The following ADGRF3 variants were observed in gnomAD, a reference collection of about 807,000 sequenced individuals.
ADGRF3 encodes the protein G protein-coupled receptor 113.
ADGRF3 carries 85 observed loss-of-function variants against 93.2 expected under a neutral mutation model. The observed-to-expected ratio is 0.91, with a 90% CI of 0.77 to 1.09. The LOEUF (loss-of-function observed/expected upper bound fraction) is 1.09. Among genes scored for constraint, ADGRF3 ranks in the 50% least tolerant of loss-of-function variants. ADGRF3 has a pLI of 0.00. For synonymous variants in ADGRF3, 534 were observed against 532.5 expected (o/e 1.00, Z -0.04); for missense variants, 1,125 against 1,246.2 (o/e 0.90, Z 1.46).
In ADGRF3 at chr2:26,346,397, G is replaced by C. The variant is rs545080287; in HGVS notation, c.-163C>G. 136 of 1,332,846 alleles carry C rather than the reference G, an allele frequency of 1.0e-4. No individual in the cohort carries two copies. The African/African-American group carries it at 1.9e-3, about 19-fold the overall frequency. 82.6% of individuals were successfully genotyped at this position (1,332,846 alleles called of 1,614,324 possible). On this transcript the variant is annotated 5_prime_UTR_variant, in exon 1 of 14. Transcript: ENST00000651242. ...CACCTTGTGCCGCGTGGCTCCGGGC[G>C]GGCTGGCGGGCGTTCCTCCGGAGGT... is the stretch of plus-strand genomic sequence containing the variant.
rs145317161 is a variant in ADGRF3, at chr2:26,311,086, C to G, written c.2438G>C (p.Arg813Pro). 2.0e-5 allele frequency: 32 copies of G among 1,603,688 alleles called. No homozygotes were observed. Among genetic ancestry groups the G allele is most frequent in the Non-Finnish European group, 2.6e-5 (31 of 1,175,406 alleles). ...CAGGAGCACCATGAGGGGGAGAACT[C>G]GGTGCTTTGCCAGCTGGTGAAAGAC... Reference protein sequence around the residue: ...LFVFHQLAKHRVLPLMVLLGY... With the variant: ...LFVFHQLAKHPVLPLMVLLGY... The change falls in exon 10 of 14, where the codon CGA (arginine) becomes CCA (proline). Residue 813 changes from arginine to proline, a missense_variant. Transcript: ENST00000651242.
In ADGRF3 at chr2:26,314,531, G is replaced by A. The variant is rs781471867; in HGVS notation, c.811C>T (p.Leu271Phe). ...CAGGAGATGGACAGCTGGTATGGAA[G>A]TCGAGCCACATCTGTCGCCTTCAAG... ...VPLKATDVAR[L>F]PYQLSISCAT... The change falls in exon 6 of 14, where the codon CTT becomes TTT. Residue 271 changes from leucine (L) to phenylalanine (F), a missense_variant. Coordinates refer to ENST00000651242, the MANE Select transcript of ADGRF3 (RefSeq NM_001321971.2). 1 of 1,614,056 alleles carries A rather than the reference G, an allele frequency of 6.2e-7. No individual in the cohort carries two copies. The highest frequency in any genetic ancestry group is 8.5e-7 in the Non-Finnish European group (1 of 1,179,894).
At chr2:26,322,350 C>T (rs1394246840) in intron 1 of ADGRF3, among the ~76,000 whole-genome samples, 2 of 151,780 alleles carry the variant, frequency 1.3e-5, no homozygotes, top group Non-Finnish European at 2.9e-5. Flanking sequence ...AGAGGTCCTC[C>T]GTATTCCACC....
At position 26,311,767 on chromosome 2, in the gene ADGRF3, A is replaced by G. The variant is rs1200935728; in HGVS notation, c.1757T>C (p.Ile586Thr). The G allele has an allele frequency of 6.2e-6, 10 of 1,613,576 alleles. No homozygotes were observed. Among genetic ancestry groups the G allele is most frequent in the Non-Finnish European group, 7.6e-6 (9 of 1,179,774 alleles). Residue 586 changes from isoleucine to threonine, a missense_variant, in exon 10 of 14, where the codon ATT (isoleucine) becomes ACT (threonine). Transcript: ENST00000651242. The stretch of plus-strand genomic sequence containing the variant: ...CAGTTTTCGCAGCACCAGGCTAGTA[A>G]TACTTATTTCAGTTCCATTACGGAC... Reference protein sequence around the residue: ...PLVRNGTEISITSLVLRKLDH... With the variant: ...PLVRNGTEISTTSLVLRKLDH...
chr2:26,337,471 A>T (rs1676121031), intron 1 of ADGRF3, among the ~76,000 whole-genome samples: 1 of 152,266 alleles, frequency 6.6e-6, no homozygotes, highest in Non-Finnish European at 1.5e-5. Flanking sequence ...TAGCAAGACC[A>T]GCAAAACTGC....
intron 13 of ADGRF3, 165 bp from the exon 14 acceptor site, chr2:26,309,272 A>G: frequency 6.4e-7 from 1 of 1,570,882 alleles, no homozygotes; most frequent in Non-Finnish European, 8.6e-7. Flanking sequence ...AAACCAAGTC[A>G]AGGACTGGTG....
intron 12 of ADGRF3, 125 bp downstream of exon 12, chr2:26,309,918 T>C (rs747282390): frequency 7.5e-6 from 12 of 1,597,316 alleles, no homozygotes; most frequent in Non-Finnish European, 9.4e-6. Flanking sequence ...AAACTGTTCA[T>C]TCTAAAAAAC....
At chr2:26,340,581 T>C (rs185111115) in intron 1 of ADGRF3, 4 of 152,338 alleles carry the variant, frequency 2.6e-5, no homozygotes, top group Admixed American at 1.3e-4. Flanking sequence ...TAGATGAGAT[T>C]AACATTGCCA....
At chr2:26,317,990 T>C in intron 1 of ADGRF3, 1 of 1,509,552 alleles carries the variant, frequency 6.6e-7, no homozygotes, top group Non-Finnish European at 9.0e-7. Context: ...CGTCTTTGGT[T>C]CCTGTACATT....
intron 8 of ADGRF3, 107 bp from the exon 9 acceptor site, chr2:26,313,229 C>T: frequency 6.8e-7 from 1 of 1,474,582 alleles, no homozygotes. Context: ...CCTCTCACTC[C>T]TACTTCCTGG....
intron 4 of ADGRF3, among the ~76,000 whole-genome samples, chr2:26,316,004 G>T (rs545109105): frequency 6.6e-6 from 1 of 152,270 alleles, no homozygotes; most frequent in Admixed American, 6.5e-5. Context: ...TGGGCTACTG[G>T]AGCTGCTTCC....
chr2:26,346,195 G>T lies in ADGRF3; in HGVS notation c.40C>A (p.Pro14Thr). 1 of 1,613,374 alleles carries T rather than the reference G, an allele frequency of 6.2e-7. No homozygotes were observed. Reference protein sequence around the residue: ...RKLSAHSAATPGYKAVTHKHH... With the variant: ...RKLSAHSAATTGYKAVTHKHH... ...TTGTGTGTCACAGCCTTGTAGCCGG[G>T]AGTCGCTGCCGAGTGGGCGCTCAGT... The change falls in exon 1 of 14, where the codon CCC becomes ACC. Residue 14 changes from proline to threonine, a missense_variant. Coordinates refer to ENST00000651242, the MANE Select transcript of ADGRF3 (RefSeq NM_001321971.2).
intron 1 of ADGRF3, chr2:26,319,182 G>A: frequency 1.1e-6 from 1 of 901,950 alleles, no homozygotes; most frequent in Non-Finnish European, 1.6e-6. Flanking sequence ...AAGCGCTACA[G>A]CCTGTGACTC....
At chr2:26,318,342 C>T (rs536758302) in intron 1 of ADGRF3, among the ~76,000 whole-genome samples, 3 of 152,184 alleles carry the variant, frequency 2.0e-5, no homozygotes, top group African/African-American at 4.8e-5. Context: ...GCCTTTAGTC[C>T]CAGTTACTTG....
At chr2:26,309,455 C>A in intron 13 of ADGRF3, 71 bp downstream of exon 13, 1 of 1,571,804 alleles carries the variant, frequency 6.4e-7, no homozygotes, top group East Asian at 2.3e-5. Context: ...AGCACTTTGC[C>A]AGGAGGCCCT....
At chr2:26,335,652 T>C (rs1035438345) in intron 1 of ADGRF3, among the ~76,000 whole-genome samples, 22 of 150,250 alleles carry the variant, frequency 1.5e-4, no homozygotes, top group South Asian at 1.3e-3. Context: ...GTTTTTTTTT[T>C]CCCATTTTTT....
At chr2:26,339,420 C>T (rs963844330) in intron 1 of ADGRF3, among the ~76,000 whole-genome samples, 3 of 152,048 alleles carry the variant, frequency 2.0e-5, no homozygotes, top group East Asian at 3.9e-4. Context: ...CGCTTGATCC[C>T]GGGAGGCAGA....
intron 1 of ADGRF3, among the ~76,000 whole-genome samples, chr2:26,325,842 T>C (rs546251374): frequency 2.0e-5 from 3 of 152,210 alleles, no homozygotes; most frequent in Non-Finnish European, 4.4e-5. Context: ...TTAATGAAAA[T>C]TATTTTATAA....
At position 26,316,925 on chromosome 2, in the gene ADGRF3, G is replaced by A; in HGVS notation, c.312C>T (p.Leu104=). 5 of 1,609,924 alleles carry A rather than the reference G, an allele frequency of 3.1e-6. No individual in the cohort carries two copies. The highest frequency in any genetic ancestry group is 4.2e-6 in the Non-Finnish European group (5 of 1,178,760). Residue 104 remains leucine, a synonymous_variant, in exon 3 of 14, where the codon CTC becomes CTT. Coordinates refer to ENST00000651242, the MANE Select transcript of ADGRF3 (RefSeq NM_001321971.2). The part of the protein sequence containing the change: ...SSSPRPLLTG[L]RLTTECNVNH... ...CGCAAGTGGTACCTGTTGTGAGTCTGAGGCCAGTGAGAAGAGGCCTTGGGG... is the reference window on the plus strand; with the variant it reads ...CGCAAGTGGTACCTGTTGTGAGTCTAAGGCCAGTGAGAAGAGGCCTTGGGG...
Sources: gnomAD v4.1 joint callset for allele counts (sites outside exome capture counted in the v4.1 genomes callset) on GRCh38, gnomAD v4.1.1 for gene constraint, MANE v1.5 for transcripts, NCBI Gene and HGNC (gene_info 2026-07-23, HGNC 2026-07-21) for gene names.